The following REEP3 variants were observed in gnomAD, a reference collection of about 807,000 sequenced individuals.
REEP3 encodes receptor accessory protein 3.
REEP3 carries 20 observed loss-of-function variants against 41.3 expected under a neutral mutation model. That is an observed-to-expected ratio of 0.48 (90% CI 0.34 to 0.70). The LOEUF is 0.70. Among genes scored for constraint, REEP3 ranks in the 30% least tolerant of loss-of-function variants. The probability of loss-of-function intolerance (pLI) is 0.01; values close to 1 mark genes in which losing one functional copy is unlikely to be tolerated. For missense variants in REEP3, 271 were observed against 308.8 expected (o/e 0.88, Z 0.92); for synonymous variants, 104 against 101.8 (o/e 1.02, Z -0.13).
chr10:63,551,235 C>G (rs1235961428), intron 1 of REEP3, among the ~76,000 whole-genome samples: 6 of 152,132 alleles, frequency 3.9e-5, no homozygotes, highest in African/African-American at 7.2e-5. Context: ...CGTAGGGACA[C>G]AGGACATTGA....
intron 6 of REEP3, among the ~76,000 whole-genome samples, chr10:63,615,429 C>T (rs1287568287): frequency 6.6e-6 from 1 of 152,018 alleles, no homozygotes; most frequent in Non-Finnish European, 1.5e-5. Context: ...GCTAAGATTA[C>T]AGGCATGAGT....
Position 63,584,429 on chromosome 10 carries a change from T to TAAA in REEP3, c.106-10349_106-10348insAAA, listed in dbSNP as rs1265296575. On this transcript the variant is annotated intron_variant, in intron 2 of 7. Coordinates refer to ENST00000373758, the MANE Select transcript of REEP3 (RefSeq NM_001001330.3). The stretch of plus-strand genomic sequence containing the variant: ...CACCCCCAACACATGCCCCATCTTT[T>TAAA]TAAAAAAAAAAAAAAAAAAAACTAT... 9.7e-3 allele frequency among the ~76,000 whole-genome samples: 222 copies of TAAA among 22,810 alleles called. 1 individual carries two copies. The highest frequency in any genetic ancestry group is 0.018 in the African/African-American group (128 of 7,060). The allele number at this position is 22,810 out of a possible 152,430, so 15.0% of individuals were successfully genotyped here. A position where few individuals can be genotyped will look rare whatever the true frequency, so the allele number is the denominator to read the frequency against.
At chr10:63,618,654 G>A (rs955514769) in intron 6 of REEP3, among the ~76,000 whole-genome samples, 1 of 152,204 alleles carries the variant, frequency 6.6e-6, no homozygotes. Context: ...CTCAGGCAGT[G>A]GTTCTCAAAG....
intron 2 of REEP3, among the ~76,000 whole-genome samples, chr10:63,571,079 C>T (rs924160081): frequency 2.0e-5 from 3 of 152,162 alleles, no homozygotes; most frequent in Admixed American, 2.0e-4. Context: ...TGCACCACTG[C>T]ACTCCAGCCT....
At chr10:63,564,622 G>GA (rs398013817) in intron 1 of REEP3, among the ~76,000 whole-genome samples, 30,320 of 143,654 alleles carry the variant, frequency 0.21, 3,899 homozygotes, top group Non-Finnish European at 0.3. Context: ...CCCTGTCTCA[G>GA]AAAAAAAAAA....
At chr10:63,561,302 C>T (rs531891672) in intron 1 of REEP3, among the ~76,000 whole-genome samples, 1 of 152,076 alleles carries the variant, frequency 6.6e-6, no homozygotes, top group African/African-American at 2.4e-5. Flanking sequence ...TTCTAAAATG[C>T]AAAATAGCGG....
At chr10:63,602,268 G>T (rs1476580742) in intron 5 of REEP3, among the ~76,000 whole-genome samples, 3 of 152,156 alleles carry the variant, frequency 2.0e-5, no homozygotes, top group African/African-American at 7.2e-5. Flanking sequence ...GAAAGAGAAG[G>T]AAAGTGGAAG....
chr10:63,549,680 T>C (rs575078803), intron 1 of REEP3, among the ~76,000 whole-genome samples: 50 of 152,212 alleles, frequency 3.3e-4, no homozygotes, highest in Non-Finnish European at 6.6e-4. Flanking sequence ...ACCATGAATG[T>C]GTATGGTTAG....
chr10:63,592,184 G>T (rs934040943), intron 2 of REEP3, among the ~76,000 whole-genome samples: 1 of 152,128 alleles, frequency 6.6e-6, no homozygotes, highest in Non-Finnish European at 1.5e-5. Context: ...GATGGCAGCC[G>T]CTTGTTTAAA....
intron 5 of REEP3, chr10:63,606,201 C>T: frequency 6.4e-6 from 3 of 469,474 alleles, no homozygotes; most frequent in Non-Finnish European, 8.0e-6. Context: ...GGTAATCCCG[C>T]CTTTCCTCTT....
intron 1 of REEP3, among the ~76,000 whole-genome samples, chr10:63,533,300 G>A (rs2133342582): frequency 6.6e-6 from 1 of 152,326 alleles, no homozygotes; most frequent in East Asian, 1.9e-4. Context: ...GTTCTTGAGT[G>A]TTGACATGAA....
At chr10:63,522,507 G>A (rs1487246466) in intron 1 of REEP3, among the ~76,000 whole-genome samples, 5 of 152,040 alleles carry the variant, frequency 3.3e-5, no homozygotes, top group Admixed American at 1.3e-4. Flanking sequence ...AAACAATGAC[G>A]TAGTTACAGC....
chr10:63,595,687 C>CT (rs1490099451), intron 3 of REEP3, among the ~76,000 whole-genome samples: 1 of 152,138 alleles, frequency 6.6e-6, no homozygotes, highest in Admixed American at 6.5e-5. Context: ...AGCGATTCTC[C>CT]TGCCTCAGCC....
chr10:63,610,444 G>A, intron 6 of REEP3, 110 bp downstream of exon 6: 1 of 1,035,060 alleles, frequency 9.7e-7, no homozygotes, highest in South Asian at 1.7e-5. Flanking sequence ...AGAGCATTAG[G>A]ACAAATACCT....
At chr10:63,604,734 T>C (rs1375848518) in intron 5 of REEP3, among the ~76,000 whole-genome samples, 5 of 152,152 alleles carry the variant, frequency 3.3e-5, no homozygotes, top group African/African-American at 1.2e-4. Flanking sequence ...AGCAGAATGG[T>C]ATAACAAACA....
At chr10:63,589,354 C>T (rs1956036280) in intron 2 of REEP3, among the ~76,000 whole-genome samples, 1 of 152,158 alleles carries the variant, frequency 6.6e-6, no homozygotes, top group African/African-American at 2.4e-5. Context: ...CTCCACTCTC[C>T]ATACTTCTCT....
At position 63,537,109 on chromosome 10, in the gene REEP3, G is replaced by A. The variant is rs778983109; in HGVS notation, c.32+15532G>A. The stretch of plus-strand genomic sequence containing the variant: ...AAGTCTATGAAAAATAATAGTTTAC[G>A]TGGACAGAAGAATTGGTAAGTAAAC... On this transcript the variant is annotated intron_variant, in intron 1 of 7. Coordinates refer to ENST00000373758, the MANE Select transcript of REEP3 (RefSeq NM_001001330.3). 1.3e-4 allele frequency among the ~76,000 whole-genome samples: 20 copies of A among 152,296 alleles called. No homozygotes were observed. In the East Asian group the frequency reaches 2.7e-3, roughly 21 times the overall value.
At position 63,621,278 on chromosome 10, in the gene REEP3, A is replaced by C. The variant is rs1338124091; in HGVS notation, c.*409A>C. 6.5e-6 allele frequency: 1 copy of C among 153,668 alleles called. No homozygotes were observed. Among genetic ancestry groups the C allele is most frequent in the African/African-American group, 2.4e-5 (1 of 41,520 alleles). The allele number at this position is 153,668 out of a possible 1,614,324, so 9.5% of individuals were successfully genotyped here. On this transcript the variant is annotated 3_prime_UTR_variant, in exon 8 of 8. Transcript: ENST00000373758. ...TGTATCTGGTAATTAAATAGGCCTC[A>C]GATTCAGCAGTGACATAACAAGGAC...
intron 2 of REEP3, among the ~76,000 whole-genome samples, chr10:63,569,409 CTGTG>C (rs143283543): frequency 1.3e-5 from 2 of 150,262 alleles, no homozygotes; most frequent in Admixed American, 1.3e-4. Flanking sequence ...TGGTGTGCTG[CTGTG>C]TGTGTGTGTG....
Sources: gnomAD v4.1 joint callset for allele counts (sites outside exome capture counted in the v4.1 genomes callset) on GRCh38, gnomAD v4.1.1 for gene constraint, MANE v1.5 for transcripts, NCBI Gene and HGNC (gene_info 2026-07-23, HGNC 2026-07-21) for gene names.